The following EPB41L5 variants were observed in gnomAD, a reference collection of about 807,000 sequenced individuals.
EPB41L5 encodes the protein erythrocyte membrane protein band 4.1 like 5.
A neutral mutation model predicts 106.6 loss-of-function variants in EPB41L5; 55 were observed. That is an observed-to-expected ratio of 0.52 (90% CI 0.42 to 0.65). EPB41L5 has a LOEUF of 0.65. Ranked by LOEUF, EPB41L5 falls within the 30% of genes least tolerant of loss-of-function variation. EPB41L5 has a pLI of 0.00. For missense variants in EPB41L5, 871 were observed against 882.1 expected (o/e 0.99, Z 0.16); for synonymous variants, 297 against 306.7 (o/e 0.97, Z 0.33).
rs942451200 is a variant in EPB41L5 at position 120,176,688 on chromosome 2, G to A, written c.*1781G>A. On this transcript the variant is annotated 3_prime_UTR_variant, in exon 25 of 25. Coordinates refer to ENST00000263713, the MANE Select transcript of EPB41L5 (RefSeq NM_020909.4). ...GCTGAAGGTGACACCTAGAACCAGGGGCTTGACCCAGGACATGATGGAATG... is the reference window on the plus strand; with the variant it reads ...GCTGAAGGTGACACCTAGAACCAGGAGCTTGACCCAGGACATGATGGAATG... 6.6e-6 allele frequency: 1 copy of A among 152,126 alleles called. No homozygotes were observed. Among genetic ancestry groups the A allele is most frequent in the Non-Finnish European group, 1.5e-5 (1 of 68,044 alleles). 9.4% of individuals were successfully genotyped at this position (152,126 alleles called of 1,614,324 possible).
intron 19 of EPB41L5, among the ~76,000 whole-genome samples, chr2:120,144,381 T>C (rs893904543): frequency 1.3e-5 from 2 of 152,208 alleles, no homozygotes; most frequent in African/African-American, 2.4e-5. Flanking sequence ...TATTTGTTAT[T>C]TATAGGCCAC....
chr2:120,016,801 G>A (rs959397855), intron 1 of EPB41L5, among the ~76,000 whole-genome samples: 1 of 151,924 alleles, frequency 6.6e-6, no homozygotes, highest in Non-Finnish European at 1.5e-5. Flanking sequence ...TTAGAAATCT[G>A]GGATAACAAG....
At chr2:120,036,181 C>A (rs1679027193) in intron 2 of EPB41L5, among the ~76,000 whole-genome samples, 2 of 152,162 alleles carry the variant, frequency 1.3e-5, no homozygotes, top group South Asian at 4.1e-4. Context: ...CCTTAAAATT[C>A]CCTTACCTAA....
intron 10 of EPB41L5, among the ~76,000 whole-genome samples, chr2:120,086,066 T>G (rs1190779070): frequency 1.3e-5 from 2 of 152,070 alleles, no homozygotes; most frequent in Non-Finnish European, 2.9e-5. Context: ...CATAGCATGG[T>G]GGCACGCACC....
chr2:120,086,198 T>G (rs1683043446), intron 10 of EPB41L5, among the ~76,000 whole-genome samples: 1 of 152,132 alleles, frequency 6.6e-6, no homozygotes. Flanking sequence ...GAGATTCTGT[T>G]TCCTTTCTTT....
chr2:120,052,523 T>C (rs1680355816), intron 3 of EPB41L5, among the ~76,000 whole-genome samples: 2 of 152,254 alleles, frequency 1.3e-5, no homozygotes, highest in South Asian at 4.1e-4. Context: ...CATCAAACTT[T>C]CTATTTATTT....
chr2:120,070,485 G>A (rs1681785224), intron 3 of EPB41L5, among the ~76,000 whole-genome samples: 1 of 152,138 alleles, frequency 6.6e-6, no homozygotes, highest in South Asian at 2.1e-4. Flanking sequence ...ATTTTATGAG[G>A]CCAGCATCAT....
chr2:120,116,356 C>A (rs1222173593), intron 16 of EPB41L5, among the ~76,000 whole-genome samples: 1 of 152,150 alleles, frequency 6.6e-6, no homozygotes, highest in Admixed American at 6.5e-5. Context: ...TTCTGCAGTG[C>A]GCTTTCCTTT....
intron 3 of EPB41L5, among the ~76,000 whole-genome samples, chr2:120,067,122 T>C (rs1275443914): frequency 6.6e-6 from 1 of 152,214 alleles, no homozygotes; most frequent in Non-Finnish European, 1.5e-5. Context: ...CTGAATTTAT[T>C]AAAAGATGAG....
intron 3 of EPB41L5, among the ~76,000 whole-genome samples, chr2:120,068,354 C>A (rs551385962): frequency 6.6e-6 from 1 of 152,162 alleles, no homozygotes; most frequent in East Asian, 1.9e-4. Context: ...ACTGGGTGGC[C>A]GTTTGGGCAG....
At chr2:120,157,707 T>TGCAGTGAGCCGAGATTGCA (rs1686960006) in intron 20 of EPB41L5, among the ~76,000 whole-genome samples, 1 of 148,930 alleles carries the variant, frequency 6.7e-6, no homozygotes, top group Admixed American at 6.8e-5. Context: ...AGGCGGAGGT[T>TGCAGTGAGCCGAGATTGCA]GCAGTGAGCC....
In EPB41L5 at chr2:120,143,037, A is replaced by G. The variant is rs779212812; in HGVS notation, c.1634A>G (p.Asn545Ser). ...GTGAAGTTGACTGAGAAATGCCTTA[A>G]TAATGTCATTGAGAGCCCAGGATTG... ...EVVKLTEKCLNNVIESPGLNV... is the reference protein window; with the variant it reads ...EVVKLTEKCLSNVIESPGLNV... The change falls in exon 19 of 25, where the codon AAT becomes AGT. Residue 545 changes from asparagine (N) to serine (S), a missense_variant. Physicochemically the swap from Asn to Ser is conservative, Grantham distance 46. Coordinates refer to ENST00000263713, the MANE Select transcript of EPB41L5 (RefSeq NM_020909.4). The G allele has an allele frequency of 5.6e-6, 9 of 1,613,142 alleles. No individual in the cohort carries two copies. The highest frequency in any genetic ancestry group is 7.6e-6 in the Non-Finnish European group (9 of 1,179,460).
At chr2:120,128,232 AAC>A (rs1262183596) in intron 17 of EPB41L5, 1 of 152,018 alleles carries the variant, frequency 6.6e-6, no homozygotes, top group East Asian at 1.9e-4. Flanking sequence ...AAAAAGAAAT[AAC>A]ACAGAAAGAA....
chr2:120,047,998 C>T (rs532248007), intron 3 of EPB41L5, among the ~76,000 whole-genome samples: 62 of 152,304 alleles, frequency 4.1e-4, no homozygotes, highest in Non-Finnish European at 7.3e-4. Flanking sequence ...GCCTTGCGAT[C>T]CAGGGATGAA....
At chr2:120,088,965 A>G (rs1683238412) in intron 11 of EPB41L5, among the ~76,000 whole-genome samples, 1 of 151,610 alleles carries the variant, frequency 6.6e-6, no homozygotes, top group African/African-American at 2.4e-5. Flanking sequence ...TGTTCTGGAT[A>G]TTAATTCTCT....
intron 16 of EPB41L5, among the ~76,000 whole-genome samples, chr2:120,113,564 G>A (rs1460646874): frequency 2.0e-5 from 3 of 152,200 alleles, no homozygotes; most frequent in African/African-American, 7.2e-5. Context: ...GTATAATTCA[G>A]TGGGTTTAGT....
In EPB41L5 at chr2:120,160,909, C is replaced by T. The variant is rs757735309; in HGVS notation, c.1822C>T (p.Leu608Phe). 5.6e-6 allele frequency: 9 copies of T among 1,613,574 alleles called. No individual in the cohort carries two copies. In the African/African-American group the frequency reaches 9.3e-5, roughly 17 times the overall value. The change falls in exon 21 of 25, where the codon CTC (leucine) becomes TTC (phenylalanine). Residue 608 changes from leucine (L) to phenylalanine (F), a missense_variant. Coordinates refer to ENST00000263713, the MANE Select transcript of EPB41L5 (RefSeq NM_020909.4). ...SAVLNENNVP[L>F]PKESLETLML... ...TGTGTTAAATGAGAATAATGTGCCC[C>T]TCCCCAAAGAGTCTCTTGAGACTCT...
chr2:120,104,711 A>G, intron 16 of EPB41L5: 1 of 961,106 alleles, frequency 1.0e-6, no homozygotes, highest in Non-Finnish European at 1.2e-6. Flanking sequence ...CACTATTTTA[A>G]TATGTCTAAA....
At chr2:120,127,648 A>T in intron 16 of EPB41L5, 40 bp from the exon 17 acceptor site, 1 of 1,515,140 alleles carries the variant, frequency 6.6e-7, no homozygotes, top group Non-Finnish European at 9.0e-7. Flanking sequence ...TTTTCAAGTT[A>T]AATTTCTTGG....
Sources: gnomAD v4.1 joint callset for allele counts (sites outside exome capture counted in the v4.1 genomes callset) on GRCh38, gnomAD v4.1.1 for gene constraint, MANE v1.5 for transcripts, NCBI Gene and HGNC (gene_info 2026-07-23, HGNC 2026-07-21) for gene names.